Variants in DPYD observed in about 807,000 individuals in gnomAD.
DPYD encodes the protein dihydropyrimidine dehydrogenase.
DPYD carries 109 observed loss-of-function variants against 116.2 expected under a neutral mutation model. That is an observed-to-expected ratio of 0.94 (90% CI 0.80 to 1.10). DPYD has a LOEUF of 1.10. Ranked by LOEUF, DPYD falls within the 50% of genes least tolerant of loss-of-function variation. The probability of loss-of-function intolerance (pLI) is 0.00; values close to 1 mark genes in which losing one functional copy is unlikely to be tolerated. For missense variants in DPYD, 1,302 were observed against 1,254.5 expected (o/e 1.04, Z -0.57); for synonymous variants, 440 against 432.0 (o/e 1.02, Z -0.23).
At chr1:97,562,890 T>G (rs1652258622) in intron 11 of DPYD, among the ~76,000 whole-genome samples, 1 of 152,026 alleles carries the variant, frequency 6.6e-6, no homozygotes, top group South Asian at 2.1e-4. Flanking sequence ...TGGCTAATTT[T>G]TGTTTTTTCA....
intron 18 of DPYD, among the ~76,000 whole-genome samples, chr1:97,282,512 GTTTA>G (rs1275856896): frequency 2.0e-5 from 3 of 151,794 alleles, no homozygotes; most frequent in East Asian, 3.8e-4. Flanking sequence ...AGATACACTA[GTTTA>G]TTTGACTAGA....
intron 3 of DPYD, among the ~76,000 whole-genome samples, chr1:97,806,808 C>T (rs1410128489): frequency 6.6e-6 from 1 of 151,872 alleles, no homozygotes; most frequent in African/African-American, 2.4e-5. Context: ...ATCCTCTGTG[C>T]CTCACCTATT....
intron 14 of DPYD, among the ~76,000 whole-genome samples, chr1:97,416,270 A>G (rs929615271): frequency 6.6e-6 from 1 of 152,234 alleles, no homozygotes; most frequent in Non-Finnish European, 1.5e-5. Flanking sequence ...ATAAATTCAC[A>G]TAAATTAATC....
chr1:97,675,796 T>A (rs1457675678), intron 8 of DPYD, among the ~76,000 whole-genome samples: 1 of 151,356 alleles, frequency 6.6e-6, no homozygotes, highest in African/African-American at 2.4e-5. Context: ...GTCAGGAGGC[T>A]GGAGTGCAGT....
intron 21 of DPYD, among the ~76,000 whole-genome samples, chr1:97,087,466 TG>T (rs1410093985): frequency 6.6e-6 from 1 of 152,136 alleles, no homozygotes; most frequent in African/African-American, 2.4e-5. Flanking sequence ...AGTATTAGAT[TG>T]GCCGGCGAGG....
Position 97,450,169 on chromosome 1 carries a change from T to G in DPYD, c.1795A>C (p.Met599Leu), listed in dbSNP as rs1157662032. The G allele has an allele frequency of 6.2e-7, 1 of 1,613,906 alleles. No individual in the cohort carries two copies. Among genetic ancestry groups the G allele is most frequent in the South Asian group, 1.1e-5 (1 of 91,072 alleles). ...AAGGAGCTTTGTCCAGGGCCATACA[T>G]GGGGCCAGAGGTGGTTCCCCGGATG... ...RIIRGTTSGP[M>L]YGPGQSSFLN... Residue 599 changes from methionine (M) to leucine (L), a missense_variant, in exon 14 of 23, where the codon ATG (methionine) becomes CTG (leucine). By Grantham distance (15) the Met-to-Leu change is conservative. Transcript: ENST00000370192.
chr1:97,889,202 T>A (rs1672653425), intron 1 of DPYD, among the ~76,000 whole-genome samples: 1 of 150,948 alleles, frequency 6.6e-6, no homozygotes, highest in Non-Finnish European at 1.5e-5. Flanking sequence ...GTGAAAAAAA[T>A]AAAATTAAAG....
At chr1:97,176,694 C>G (rs775810420) in intron 20 of DPYD, among the ~76,000 whole-genome samples, 2 of 152,046 alleles carry the variant, frequency 1.3e-5, no homozygotes, top group African/African-American at 2.4e-5. Flanking sequence ...TCAAAGTCCA[C>G]CAGAAAGCTG....
chr1:97,276,011 G>T (rs546818927), intron 18 of DPYD, among the ~76,000 whole-genome samples: 5 of 151,808 alleles, frequency 3.3e-5, no homozygotes, highest in Non-Finnish European at 7.4e-5. Context: ...ATCTCAACAG[G>T]TTCCACAACT....
chr1:97,125,628 T>C (rs1652777886), intron 20 of DPYD, among the ~76,000 whole-genome samples: 1 of 152,024 alleles, frequency 6.6e-6, no homozygotes, highest in African/African-American at 2.4e-5. Context: ...ACCTCCAAAG[T>C]GATGGTAGTA....
At position 97,252,318 on chromosome 1, in the gene DPYD, T is replaced by A. The variant is rs560417300; in HGVS notation, c.2300-17324A>T. 3.9e-5 allele frequency among the ~76,000 whole-genome samples: 6 copies of A among 152,352 alleles called. No homozygotes were observed. In the South Asian group the frequency reaches 1.2e-3, roughly 32 times the overall value. On this transcript the variant is annotated intron_variant, in intron 18 of 22. Transcript: ENST00000370192. ...AAATGGCAGTTAGCTAACTTCCATTTGCAAGAAGAGGAGACAGCCTATTGT... is the reference window on the plus strand; with the variant it reads ...AAATGGCAGTTAGCTAACTTCCATTAGCAAGAAGAGGAGACAGCCTATTGT...
intron 18 of DPYD, among the ~76,000 whole-genome samples, chr1:97,245,777 C>T (rs1463818775): frequency 1.3e-5 from 2 of 152,056 alleles, no homozygotes; most frequent in Non-Finnish European, 2.9e-5. Context: ...TTTGGAAAAT[C>T]ACAATTTCTT....
intron 20 of DPYD, among the ~76,000 whole-genome samples, chr1:97,132,752 A>C (rs914903785): frequency 6.6e-6 from 1 of 152,094 alleles, no homozygotes; most frequent in Non-Finnish European, 1.5e-5. Context: ...ATTATTTTCT[A>C]TATTGCTCCC....
chr1:97,472,371 T>A (rs1677713132), intron 13 of DPYD, among the ~76,000 whole-genome samples: 1 of 152,138 alleles, frequency 6.6e-6, no homozygotes, highest in Non-Finnish European at 1.5e-5. Context: ...CACCTTCATC[T>A]CCCCTATGCA....
chr1:97,190,130 T>G (rs1036658941), intron 20 of DPYD, among the ~76,000 whole-genome samples: 1 of 152,188 alleles, frequency 6.6e-6, no homozygotes, highest in South Asian at 2.1e-4. Context: ...ATAACTGCTG[T>G]CCTACATGCA....
intron 2 of DPYD, among the ~76,000 whole-genome samples, chr1:97,860,556 G>A (rs1485802307): frequency 2.0e-5 from 3 of 152,044 alleles, no homozygotes; most frequent in Non-Finnish European, 4.4e-5. Flanking sequence ...ACAAATTCCA[G>A]TAAATATGAG....
chr1:97,304,978 A>C (rs898173506), intron 18 of DPYD, among the ~76,000 whole-genome samples: 1 of 151,880 alleles, frequency 6.6e-6, no homozygotes, highest in Admixed American at 6.6e-5. Flanking sequence ...AACCCTTACT[A>C]GTAAGTGGCA....
chr1:97,087,120 G>T (rs1649572835), intron 21 of DPYD, among the ~76,000 whole-genome samples: 1 of 152,124 alleles, frequency 6.6e-6, no homozygotes, highest in South Asian at 2.1e-4. Context: ...ACGTTTGTAG[G>T]ATTCCTTTGG....
chr1:97,859,608 T>C (rs1200590536), intron 2 of DPYD, among the ~76,000 whole-genome samples: 2 of 152,152 alleles, frequency 1.3e-5, no homozygotes, highest in Admixed American at 6.5e-5. Flanking sequence ...CTATGTGTCC[T>C]TCACTAGCTC....
Sources: allele counts gnomAD v4.1 joint callset (sites outside exome capture counted in the v4.1 genomes callset), GRCh38; gene constraint gnomAD v4.1.1; transcripts MANE v1.5; gene names NCBI Gene and HGNC (gene_info 2026-07-23, HGNC 2026-07-21).